SIX1: variants seen among roughly 807,000 people sequenced by gnomAD.
SIX1 encodes the protein SIX homeobox 1.
In SIX1, 11 loss-of-function variants were observed where a neutral mutation model predicts 26.5. That is an observed-to-expected ratio of 0.41 (90% CI 0.26 to 0.69). The LOEUF is 0.69. Ranked by LOEUF, SIX1 falls within the 30% of genes least tolerant of loss-of-function variation. The pLI is 0.28. For synonymous variants in SIX1, 177 were observed against 166.2 expected, an observed-to-expected ratio of 1.06 and a Z score of -0.50; for missense variants, 333 against 365.9, an observed-to-expected ratio of 0.91 and a Z score of 0.73.
At position 60,647,691 on chromosome 14, in the gene SIX1, C is replaced by T. The variant is rs74380077; in HGVS notation, c.560+939G>A. On this transcript the variant is annotated intron_variant, in intron 1 of 1. Coordinates refer to ENST00000645694, the MANE Select transcript of SIX1 (RefSeq NM_005982.4). The surrounding 1 kb of genome is among the most constrained non-coding windows in gnomAD (Gnocchi z 5.1). ...CAAAGGAAAACCTAACCGGCCCCTG[C>T]GCTCAGGTTTTCCCCCAAACTCTTT... 0.01 allele frequency among the ~76,000 whole-genome samples: 1,585 copies of T among 152,238 alleles called. 36 individuals carry two copies. The highest frequency in any genetic ancestry group is 0.036 in the African/African-American group (1,495 of 41,542).
chr14:60,643,537 G>A lies in SIX1; in HGVS notation c.*2746C>T, dbSNP rs771308675. On this transcript the variant is annotated 3_prime_UTR_variant, in exon 2 of 2. Coordinates refer to ENST00000645694, the MANE Select transcript of SIX1 (RefSeq NM_005982.4). ...GTTATGACATCTGTAGAGGAGAAAC[G>A]AAAAGTGGCTTTAGATTCAGTTAAA... 1.3e-5 allele frequency: 2 copies of A among 150,604 alleles called. No homozygotes were observed. Among genetic ancestry groups the A allele is most frequent in the Non-Finnish European group, 2.9e-5 (2 of 67,846 alleles). The allele number at this position is 150,604 out of a possible 1,614,324, so 9.3% of individuals were successfully genotyped here. A position where few individuals can be genotyped will look rare whatever the true frequency, so the allele number is the denominator to read the frequency against.
Position 60,643,477 on chromosome 14 carries a change from T to A in SIX1, c.*2806A>T, listed in dbSNP as rs1310742928. 2 of 146,334 alleles carry A rather than the reference T, an allele frequency of 1.4e-5. No individual in the cohort carries two copies. Among genetic ancestry groups the A allele is most frequent in the Non-Finnish European group, 3.0e-5 (2 of 67,086 alleles). The allele number at this position is 146,334 out of a possible 1,614,324, so 9.1% of individuals were successfully genotyped here. A position where few individuals can be genotyped will look rare whatever the true frequency, so the allele number is the denominator to read the frequency against. On this transcript the variant is annotated 3_prime_UTR_variant, in exon 2 of 2. Transcript: ENST00000645694. ...TGCTGTATGGTTTCGTCCTACAAAC[T>A]ATTTATAAGCCGTTGTTCATTACTT...
chr14:60,646,246 CTCCAGGAA>C lies in SIX1; in HGVS notation c.*29_*36del. The C allele has an allele frequency of 6.2e-7, 1 of 1,602,392 alleles. No individual in the cohort carries two copies. The highest frequency in any genetic ancestry group is 2.2e-5 in the East Asian group (1 of 44,690). On this transcript the variant is annotated 3_prime_UTR_variant, in exon 2 of 2. Transcript: ENST00000645694. ...TCCCTAGTCGCTGCAGTGGTTGCTG[CTCCAGGAA>C]TCCCTTCGAGGCCCCAGTCCCTCCC...
At position 60,648,265 on chromosome 14, in the gene SIX1, C is replaced by T. The variant is rs1894986580; in HGVS notation, c.560+365G>A. ...ACCTCAGCTCCCACCAAACCCCTTTCCTTGCGACACCAATCAACATTTCAC... is the reference window on the plus strand; with the variant it reads ...ACCTCAGCTCCCACCAAACCCCTTTTCTTGCGACACCAATCAACATTTCAC... On this transcript the variant is annotated intron_variant, in intron 1 of 1. Coordinates refer to ENST00000645694, the MANE Select transcript of SIX1 (RefSeq NM_005982.4). The surrounding 1 kb of genome is among the most constrained non-coding windows in gnomAD (Gnocchi z 7.9). 6.6e-6 allele frequency among the ~76,000 whole-genome samples: 1 copy of T among 152,160 alleles called. No individual in the cohort carries two copies.
Position 60,644,685 on chromosome 14 carries a change from A to C in SIX1, c.*1598T>G, listed in dbSNP as rs780886440. ...TGGGGAACAATATTTTACAAAGCACAAGCAAGCCAATCCTGTTATCCTGAG... is the reference window on the plus strand; with the variant it reads ...TGGGGAACAATATTTTACAAAGCACCAGCAAGCCAATCCTGTTATCCTGAG... On this transcript the variant is annotated 3_prime_UTR_variant, in exon 2 of 2. Transcript: ENST00000645694. 1 of 152,270 alleles carries C rather than the reference A, an allele frequency of 6.6e-6. No homozygotes were observed. Among genetic ancestry groups the C allele is most frequent in the Non-Finnish European group, 1.5e-5 (1 of 68,046 alleles). 9.4% of individuals were successfully genotyped at this position (152,270 alleles called of 1,614,324 possible).
At position 60,643,424 on chromosome 14, in the gene SIX1, T is replaced by TG. The variant is rs1894892571; in HGVS notation, c.*2858_*2859insC. On this transcript the variant is annotated 3_prime_UTR_variant, in exon 2 of 2. Transcript: ENST00000645694. ...AAAAATAAACATCACTCGAGTGTTT[T>TG]TTTTTTTTTTCATTTCACTTGGCAC... The TG allele has an allele frequency of 6.6e-6, 1 of 151,354 alleles. No homozygotes were observed. The highest frequency in any genetic ancestry group is 1.9e-4 in the East Asian group (1 of 5,160). The allele number at this position is 151,354 out of a possible 1,614,324, so 9.4% of individuals were successfully genotyped here.
rs371998997 is a variant in SIX1, at chr14:60,648,688, C to T, written c.502G>A (p.Val168Ile). The change falls in exon 1 of 2, where the codon GTC (valine) becomes ATC (isoleucine). Residue 168 changes from valine (V) to isoleucine (I), a missense_variant. Val to Ile is a conservative substitution (Grantham distance 29, BLOSUM62 3). Transcript: ENST00000645694. The surrounding 1 kb of genome is among the most constrained non-coding windows in gnomAD (Gnocchi z 7.9). ...CTCCGGTTCTTAAACCAGTTGCTGA[C>T]CTGGGTGGTGGTGAGGCCGGTGGCC... Reference protein sequence around the residue: ...AEATGLTTTQVSNWFKNRRQR... With the variant: ...AEATGLTTTQISNWFKNRRQR... 8 of 1,614,048 alleles carry T rather than the reference C, an allele frequency of 5.0e-6. No individual in the cohort carries two copies. The highest frequency in any genetic ancestry group is 6.8e-6 in the Non-Finnish European group (8 of 1,180,008).
intron 1 of SIX1, 90 bp from the exon 2 acceptor site, chr14:60,646,667 A>G (rs1387739038): frequency 5.4e-6 from 6 of 1,106,892 alleles, no homozygotes; most frequent in Admixed American, 2.4e-5. Context: ...GAGGGAGGGG[A>G]GCTGGAAGGA....
chr14:60,649,215 C>T lies in SIX1; in HGVS notation c.-26G>A. On this transcript the variant is annotated 5_prime_UTR_variant, in exon 1 of 2. Coordinates refer to ENST00000645694, the MANE Select transcript of SIX1 (RefSeq NM_005982.4). The surrounding 1 kb of genome is among the most constrained non-coding windows in gnomAD (Gnocchi z 5.1). ...GGCTGGGGCCTGCCGGGGCGCACGG[C>T]CCAGGCGCACGCGGCAGGGAGCAGA... The T allele has an allele frequency of 6.3e-7, 1 of 1,597,580 alleles. No homozygotes were observed. The highest frequency in any genetic ancestry group is 8.5e-7 in the Non-Finnish European group (1 of 1,177,020).
At chr14:60,646,607 TAAAAAAAAAAAAA>T (rs34899649) in intron 1 of SIX1, 30 bp from the exon 2 acceptor site, 4 of 831,564 alleles carry the variant, frequency 4.8e-6, no homozygotes, top group Admixed American at 7.6e-5. Flanking sequence ...ACCATATGGT[TAAAAAAAAAAAAA>T]AAAAAAAAAA....
In SIX1 at chr14:60,649,190, G is replaced by GGCTGGGGCCT; in HGVS notation, c.-11_-2dup. 6.2e-7 allele frequency: 1 copy of GGCTGGGGCCT among 1,606,678 alleles called. No homozygotes were observed. ...AGCCAAACGACGGCAGCATCGACAT[G>GGCTGGGGCCT]GCTGGGGCCTGCCGGGGCGCACGGC... On this transcript the variant is annotated 5_prime_UTR_variant, in exon 1 of 2. Transcript: ENST00000645694. This position sits in a 1 kb window ranked among gnomAD's most constrained non-coding sequence, Gnocchi z 5.1.
chr14:60,647,420 G>T lies in SIX1; in HGVS notation c.561-843C>A, dbSNP rs372314652. On this transcript the variant is annotated intron_variant, in intron 1 of 1. Coordinates refer to ENST00000645694, the MANE Select transcript of SIX1 (RefSeq NM_005982.4). The surrounding 1 kb of genome is among the most constrained non-coding windows in gnomAD (Gnocchi z 5.1). Reference sequence around the variant, plus strand: ...CACAGGCTGCCAGCGGGCGCGGCGCGCTGGGGCGTCAGTCCGGGCACTCGG... The same window carrying T: ...CACAGGCTGCCAGCGGGCGCGGCGCTCTGGGGCGTCAGTCCGGGCACTCGG... Among the ~76,000 whole-genome samples the T allele has an allele frequency of 6.6e-6, 1 of 152,218 alleles. No individual in the cohort carries two copies. Among genetic ancestry groups the T allele is most frequent in the South Asian group, 2.1e-4 (1 of 4,828 alleles).
In SIX1 at chr14:60,646,024, T is replaced by G. The variant is rs984435706; in HGVS notation, c.*259A>C. 79 of 318,410 alleles carry G rather than the reference T, an allele frequency of 2.5e-4. 1 individual carries two copies. Among genetic ancestry groups the G allele is most frequent in the African/African-American group, 1.5e-3 (72 of 46,848 alleles). 19.7% of individuals were successfully genotyped at this position (318,410 alleles called of 1,614,324 possible). On this transcript the variant is annotated 3_prime_UTR_variant, in exon 2 of 2. Coordinates refer to ENST00000645694, the MANE Select transcript of SIX1 (RefSeq NM_005982.4). ...GTGCTTTTGTTTGTTTGGGTTTTTT[T>G]TTTTTTTTTTCCCTGATCTCTGCAT...
At position 60,648,663 on chromosome 14, in the gene SIX1, C is replaced by T; in HGVS notation, c.527G>A (p.Arg176Lys). 1 of 1,614,110 alleles carries T rather than the reference C, an allele frequency of 6.2e-7. No homozygotes were observed. The highest frequency in any genetic ancestry group is 1.3e-5 in the African/African-American group (1 of 75,072). Residue 176 changes from arginine to lysine, a missense_variant, in exon 1 of 2, where the codon AGG (arginine) becomes AAG (lysine). Physicochemically the swap from Arg to Lys is conservative, Grantham distance 26 (BLOSUM62 2). This residue lies in a region of SIX1 where 199 missense variants were observed against 215.2 expected (regional missense o/e 0.92). Transcript: ENST00000645694. The surrounding 1 kb of genome is among the most constrained non-coding windows in gnomAD (Gnocchi z 7.9). ...GGCCTCCGCGGCCCGGTCTCTTTGC[C>T]TCCGGTTCTTAAACCAGTTGCTGAC... ...TQVSNWFKNRRQRDRAAEAKE... is the reference protein window; with the variant it reads ...TQVSNWFKNRKQRDRAAEAKE...
Position 60,644,027 on chromosome 14 carries a change from C to G in SIX1, c.*2256G>C, listed in dbSNP as rs1416773241. ...CAACTTCCACGAGCCTAAAATTATC[C>G]CAGGCGGAGCTGGGAGAGTGGAGGG... On this transcript the variant is annotated 3_prime_UTR_variant, in exon 2 of 2. Coordinates refer to ENST00000645694, the MANE Select transcript of SIX1 (RefSeq NM_005982.4). 2.0e-5 allele frequency: 3 copies of G among 152,276 alleles called. No individual in the cohort carries two copies. The East Asian group carries it at 5.8e-4, about 29-fold the overall frequency. 9.4% of individuals were successfully genotyped at this position (152,276 alleles called of 1,614,324 possible). A position where few individuals can be genotyped will look rare whatever the true frequency, so the allele number is the denominator to read the frequency against.
At position 60,648,613 on chromosome 14, in the gene SIX1, G is replaced by T; in HGVS notation, c.560+17C>A. 1 of 1,602,796 alleles carries T rather than the reference G, an allele frequency of 6.2e-7. No individual in the cohort carries two copies. Among genetic ancestry groups the T allele is most frequent in the South Asian group, 1.1e-5 (1 of 89,762 alleles). On this transcript the variant is annotated intron_variant, in intron 1 of 1. Coordinates refer to ENST00000645694, the MANE Select transcript of SIX1 (RefSeq NM_005982.4). This position sits in a 1 kb window ranked among gnomAD's most constrained non-coding sequence, Gnocchi z 7.9. Reference sequence around the variant, plus strand: ...GCTTCCTAGGGTCGCCCGAGTCGCGGGAAGCACGCCGCGTACCTTTCCTTG... The same window carrying T: ...GCTTCCTAGGGTCGCCCGAGTCGCGTGAAGCACGCCGCGTACCTTTCCTTG...
Position 60,649,094 on chromosome 14 carries a change from C to T in SIX1, c.96G>A (p.Arg32=), listed in dbSNP as rs1299424353. ...QQGGNLERLG[R]FLWSLPACDH... ...CGCAGGCGGGCAGTGACCACAGGAA[C>T]CTGCCCAGGCGCTCCAGGTTTCCGC... Residue 32 remains arginine (R), a synonymous_variant, in exon 1 of 2, where the codon AGG becomes AGA. Transcript: ENST00000645694. This position sits in a 1 kb window ranked among gnomAD's most constrained non-coding sequence, Gnocchi z 5.1. 3.1e-6 allele frequency: 5 copies of T among 1,613,244 alleles called. No homozygotes were observed. Among genetic ancestry groups the T allele is most frequent in the Admixed American group, 1.7e-5 (1 of 59,982 alleles).
rs1173122510 is a variant in SIX1, at chr14:60,644,866, C to G, written c.*1417G>C. ...GGCAGCACTGCAAAAGAGCTCCTGTCCTGCTGGTCTGCTTTCTATTTGTAC... is the reference window on the plus strand; with the variant it reads ...GGCAGCACTGCAAAAGAGCTCCTGTGCTGCTGGTCTGCTTTCTATTTGTAC... On this transcript the variant is annotated 3_prime_UTR_variant, in exon 2 of 2. Transcript: ENST00000645694. 3 of 152,218 alleles carry G rather than the reference C, an allele frequency of 2.0e-5. No homozygotes were observed. Among genetic ancestry groups the G allele is most frequent in the African/African-American group, 7.2e-5 (3 of 41,452 alleles). 9.4% of individuals were successfully genotyped at this position (152,218 alleles called of 1,614,324 possible).
chr14:60,644,344 G>A lies in SIX1; in HGVS notation c.*1939C>T, dbSNP rs1193952351. 1 of 152,140 alleles carries A rather than the reference G, an allele frequency of 6.6e-6. No individual in the cohort carries two copies. The highest frequency in any genetic ancestry group is 1.5e-5 in the Non-Finnish European group (1 of 68,036). The allele number at this position is 152,140 out of a possible 1,614,324, so 9.4% of individuals were successfully genotyped here. On this transcript the variant is annotated 3_prime_UTR_variant, in exon 2 of 2. Coordinates refer to ENST00000645694, the MANE Select transcript of SIX1 (RefSeq NM_005982.4). ...ATCCAAAACACTAACAAGGGAGATT[G>A]GGACCCTGAGCTCCCAAACCAAATG...
Sources: gnomAD v4.1 joint callset for allele counts (sites outside exome capture counted in the v4.1 genomes callset) on GRCh38, gnomAD v4.1.1 for gene constraint, gnomAD v4.1.1 regional missense constraint, Gnocchi (gnomAD v3.1) non-coding constraint, MANE v1.5 for transcripts, NCBI Gene and HGNC (gene_info 2026-07-23, HGNC 2026-07-21) for gene names.